TULP4: variants seen among roughly 807,000 people sequenced by gnomAD.
The protein encoded by TULP4 is TUB like protein 4.
Under a neutral mutation model 129.0 loss-of-function variants are expected in TULP4, and 16 were observed. The ratio of observed to expected loss-of-function variants is 0.12; its 90% CI spans 0.08 to 0.19. The LOEUF (loss-of-function observed/expected upper bound fraction) is 0.19. TULP4 is among the 10% of genes least tolerant of loss of function. TULP4 has a pLI of 1.00. For synonymous variants in TULP4, 998 were observed against 854.0 expected, an observed-to-expected ratio of 1.17 and a Z score of -2.94; for missense variants, 1,842 against 2,059.1, an observed-to-expected ratio of 0.89 and a Z score of 2.04.
chr6:158,464,267 C>A (rs1779506065), intron 6 of TULP4, among the ~76,000 whole-genome samples: 1 of 152,166 alleles, frequency 6.6e-6, no homozygotes, highest in Admixed American at 6.5e-5. Flanking sequence ...TACATCAATA[C>A]CCGTAAGGCA....
chr6:158,493,494 AGAAAGGACTGCTGGAGTCAG>A lies in TULP4; in HGVS notation c.1632-77_1632-58del. 7.3e-7 allele frequency: 1 copy of A among 1,361,672 alleles called. No homozygotes were observed. Among genetic ancestry groups the A allele is most frequent in the Non-Finnish European group, 9.5e-7 (1 of 1,050,252 alleles). The allele number at this position is 1,361,672 out of a possible 1,614,324, so 84.3% of individuals were successfully genotyped here. A position where few individuals can be genotyped will look rare whatever the true frequency, so the allele number is the denominator to read the frequency against. Reference sequence around the variant, plus strand: ...ACACCCAGGCTGGCTGTCCAGAAAAAGAAAGGACTGCTGGAGTCAGGGCCATGCTCACCATTCCCGCCACG... The same window carrying A: ...ACACCCAGGCTGGCTGTCCAGAAAAAGGCCATGCTCACCATTCCCGCCACG... On this transcript the variant is annotated intron_variant, in intron 9 of 13. Coordinates refer to ENST00000367097, the MANE Select transcript of TULP4 (RefSeq NM_020245.5). The surrounding 1 kb of genome is among the most constrained non-coding windows in gnomAD (Gnocchi z 4.4).
intron 1 of TULP4, among the ~76,000 whole-genome samples, chr6:158,345,613 G>T (rs1780286154): frequency 6.6e-6 from 1 of 152,218 alleles, no homozygotes; most frequent in Non-Finnish European, 1.5e-5. Context: ...CAGGGAGTAG[G>T]TCACAAAGAT....
chr6:158,442,730 C>T (rs1778927609), intron 3 of TULP4, among the ~76,000 whole-genome samples: 1 of 151,978 alleles, frequency 6.6e-6, no homozygotes, highest in African/African-American at 2.4e-5. Context: ...TGAAGAGGCC[C>T]CTCCTTCTAT....
chr6:158,274,457 A>G (rs139022398), intron 1 of TULP4, among the ~76,000 whole-genome samples: 164 of 152,162 alleles, frequency 1.1e-3, no homozygotes, highest in African/African-American at 3.9e-3. Context: ...TGTTCCTGAA[A>G]TGAAAACCAG....
At chr6:158,333,768 T>C (rs1219165809) in intron 1 of TULP4, among the ~76,000 whole-genome samples, 1 of 152,222 alleles carries the variant, frequency 6.6e-6, no homozygotes, top group Non-Finnish European at 1.5e-5. Context: ...GCAGGTACTG[T>C]TCTATTTTGT....
chr6:158,278,972 T>C (rs56349540), upstream of TULP4, among the ~76,000 whole-genome samples: 22,638 of 144,322 alleles, frequency 0.16, 2,172 homozygotes, highest in Middle Eastern at 0.23. Flanking sequence ...CGGAGTCTCA[T>C]TCTGTCCCCC....
chr6:158,247,536 C>A (rs768755469), intron 1 of TULP4, among the ~76,000 whole-genome samples: 26 of 152,124 alleles, frequency 1.7e-4, no homozygotes, highest in Non-Finnish European at 3.1e-4. Flanking sequence ...CTGGATGTTT[C>A]TTTTATTAGT....
Position 158,456,486 on chromosome 6 carries a change from A to G in TULP4, c.859+4218A>G, listed in dbSNP as rs180896533. ...ATTCTTCTTCTTCCAGTGTGGCCCA[A>G]GGAAGCCAAAAGATTGGACACCTCT... On this transcript the variant is annotated intron_variant, in intron 5 of 13. Coordinates refer to ENST00000367097, the MANE Select transcript of TULP4 (RefSeq NM_020245.5). 2.9e-3 allele frequency among the ~76,000 whole-genome samples: 386 copies of G among 131,030 alleles called. 2 individuals carry two copies. Among genetic ancestry groups the G allele is most frequent in the South Asian group, 5.4e-3 (20 of 3,736 alleles). The allele number at this position is 131,030 out of a possible 152,430, so 86.0% of individuals were successfully genotyped here.
chr6:158,422,163 G>A (rs533367876), intron 2 of TULP4, among the ~76,000 whole-genome samples: 112 of 152,138 alleles, frequency 7.4e-4, no homozygotes, highest in African/African-American at 2.6e-3. Context: ...AAAATGATAA[G>A]GTAGAGATCA....
At chr6:158,474,572 A>G (rs1461580594) in intron 6 of TULP4, among the ~76,000 whole-genome samples, 1 of 152,148 alleles carries the variant, frequency 6.6e-6, no homozygotes, top group African/African-American at 2.4e-5. Flanking sequence ...CCCTCTCTTC[A>G]AAAAGACCCC....
chr6:158,316,516 A>G (rs1779496054), intron 1 of TULP4, among the ~76,000 whole-genome samples: 1 of 152,242 alleles, frequency 6.6e-6, no homozygotes, highest in African/African-American at 2.4e-5. Flanking sequence ...TATGTTTTAC[A>G]AATAATATAT....
At chr6:158,480,488 C>T (rs925276238) in intron 7 of TULP4, among the ~76,000 whole-genome samples, 5 of 152,242 alleles carry the variant, frequency 3.3e-5, no homozygotes, top group South Asian at 2.1e-4. Context: ...CAGCACTCAG[C>T]GTCAGCCACC....
At chr6:158,359,429 T>C in intron 1 of TULP4, among the ~76,000 whole-genome samples, 1 of 152,186 alleles carries the variant, frequency 6.6e-6, no homozygotes, top group East Asian at 1.9e-4. Flanking sequence ...GGTCTCACAG[T>C]AGGCCATCTG....
intron 7 of TULP4, among the ~76,000 whole-genome samples, chr6:158,480,225 C>T (rs752481751): frequency 2.6e-5 from 4 of 152,246 alleles, no homozygotes; most frequent in Non-Finnish European, 5.9e-5. Flanking sequence ...TTCTGTGTCC[C>T]TCTGATGATC....
At position 158,411,152 on chromosome 6, in the gene TULP4, T is replaced by C. The variant is rs138058712; in HGVS notation, c.253-1913T>C. ...AAAAAAAAAAAAAAAAAAAGTAAAC[T>C]ACTTGAAATAGTTTCCAATACCTTC... On this transcript the variant is annotated intron_variant, in intron 1 of 13. Coordinates refer to ENST00000367097, the MANE Select transcript of TULP4 (RefSeq NM_020245.5). Among the ~76,000 whole-genome samples, 168 of 148,916 alleles carry C rather than the reference T, an allele frequency of 1.1e-3. 1 individual carries two copies. The highest frequency in any genetic ancestry group is 3.9e-3 in the African/African-American group (158 of 40,116).
rs558790995 is a variant in TULP4 at position 158,245,573 on chromosome 6, A to G, written n.68+13270A>G. 5.3e-5 allele frequency among the ~76,000 whole-genome samples: 8 copies of G among 152,316 alleles called. No homozygotes were observed. In the South Asian group the frequency reaches 1.7e-3, roughly 32 times the overall value. On this transcript the variant is annotated intron_variant and non_coding_transcript_variant, in intron 1 of 1. Transcript: ENST00000620026. Reference sequence around the variant, plus strand: ...GCAAAGTGTGCATAGCCTTCTACCCAGAAAGTCCACATTTAGTAGGAATTT... The same window carrying G: ...GCAAAGTGTGCATAGCCTTCTACCCGGAAAGTCCACATTTAGTAGGAATTT...
intron 1 of TULP4, among the ~76,000 whole-genome samples, chr6:158,260,981 C>T (rs536247855): frequency 5.9e-5 from 9 of 151,968 alleles, no homozygotes; most frequent in Non-Finnish European, 1.0e-4. Flanking sequence ...CCACCACGAC[C>T]GGCTAATTTT....
rs537810068 is a variant in TULP4, at chr6:158,345,412, A to G, written c.252+31144A>G. ...CTACTATTGGGGGAACCCACCCCCAATATTTCAGTGTAGGTTCTTTCTATT... is the reference window on the plus strand; with the variant it reads ...CTACTATTGGGGGAACCCACCCCCAGTATTTCAGTGTAGGTTCTTTCTATT... On this transcript the variant is annotated intron_variant, in intron 1 of 13. Transcript: ENST00000367097. Among the ~76,000 whole-genome samples, 10 of 152,332 alleles carry G rather than the reference A, an allele frequency of 6.6e-5. No homozygotes were observed. The East Asian group carries it at 1.7e-3, about 26-fold the overall frequency.
chr6:158,378,485 T>TTTTTTTTTTTGGG (rs1554285635), intron 1 of TULP4, among the ~76,000 whole-genome samples: 1 of 51,412 alleles, frequency 1.9e-5, no homozygotes, highest in Non-Finnish European at 3.9e-5. Context: ...TTTTTTTTTT[T>TTTTTTTTTTTGGG]GGTGGGGGTG....
Sources: gnomAD v4.1 joint callset for allele counts (sites outside exome capture counted in the v4.1 genomes callset) on GRCh38, gnomAD v4.1.1 for gene constraint, Gnocchi (gnomAD v3.1) non-coding constraint, MANE v1.5 for transcripts, NCBI Gene and HGNC (gene_info 2026-07-23, HGNC 2026-07-21) for gene names.